SLC4A4: variants seen among roughly 807,000 people sequenced by gnomAD.
The protein encoded by SLC4A4 is solute carrier family 4 member 4.
A neutral mutation model predicts 111.5 loss-of-function variants in SLC4A4; 27 were observed. The observed-to-expected ratio is 0.24, with a 90% CI of 0.18 to 0.33. The LOEUF (loss-of-function observed/expected upper bound fraction) is 0.33, where lower values mean the gene tolerates loss of function less well. SLC4A4 is among the 10% of genes least tolerant of loss of function. The pLI is 1.00. For missense variants in SLC4A4, 909 were observed against 1,315.5 expected (o/e 0.69, Z 4.78); for synonymous variants, 443 against 463.4 (o/e 0.96, Z 0.57).
chr4:71,185,566 C>T (rs1015830223), upstream of SLC4A4, among the ~76,000 whole-genome samples: 1 of 152,176 alleles, frequency 6.6e-6, no homozygotes, highest in Non-Finnish European at 1.5e-5. Flanking sequence ...CATGACAGTA[C>T]ATTTTAATTT....
chr4:71,401,083 C>T (rs1222702628), intron 7 of SLC4A4, among the ~76,000 whole-genome samples: 15 of 152,110 alleles, frequency 9.9e-5, no homozygotes, highest in Admixed American at 9.8e-4. Context: ...CTTGCAACTT[C>T]CTGGAGCTAC....
At chr4:71,122,571 A>G (rs772656644) in intron 2 of SLC4A4, among the ~76,000 whole-genome samples, 4 of 151,982 alleles carry the variant, frequency 2.6e-5, no homozygotes, top group African/African-American at 4.8e-5. Context: ...TCAGGTTCAG[A>G]GATGCCAGGT....
At chr4:71,098,737 A>C (rs1179292260) in intron 2 of SLC4A4, among the ~76,000 whole-genome samples, 1 of 152,172 alleles carries the variant, frequency 6.6e-6, no homozygotes, top group African/African-American at 2.4e-5. Flanking sequence ...ATGTAATGAC[A>C]ACTATAGGTT....
At chr4:71,146,899 A>T (rs1208937021) in intron 2 of SLC4A4, among the ~76,000 whole-genome samples, 1 of 152,190 alleles carries the variant, frequency 6.6e-6, no homozygotes, top group Non-Finnish European at 1.5e-5. Context: ...TACTAACCTT[A>T]AATGTAAATG....
At chr4:71,375,889 A>G (rs2148940511) in intron 6 of SLC4A4, among the ~76,000 whole-genome samples, 1 of 151,964 alleles carries the variant, frequency 6.6e-6, no homozygotes, top group Non-Finnish European at 1.5e-5. Flanking sequence ...AATATTTACT[A>G]CCTGTCATTA....
chr4:71,270,775 C>G (rs1296487997), intron 3 of SLC4A4, among the ~76,000 whole-genome samples: 1 of 152,208 alleles, frequency 6.6e-6, no homozygotes, highest in Non-Finnish European at 1.5e-5. Context: ...AGCCCCCTTG[C>G]TCCCCTCAAC....
intron 6 of SLC4A4, among the ~76,000 whole-genome samples, chr4:71,365,049 A>G (rs907649867): frequency 6.6e-6 from 1 of 152,140 alleles, no homozygotes; most frequent in Non-Finnish European, 1.5e-5. Context: ...ATTGATCATT[A>G]TGTCTAAGTA....
chr4:71,205,469 A>G (rs981385176), intron 1 of SLC4A4, among the ~76,000 whole-genome samples: 5 of 152,166 alleles, frequency 3.3e-5, no homozygotes, highest in Non-Finnish European at 7.3e-5. Flanking sequence ...GAATGCAGGT[A>G]TATCTTCTTC....
intron 2 of SLC4A4, among the ~76,000 whole-genome samples, chr4:71,251,473 G>A (rs1317915477): frequency 3.9e-5 from 6 of 152,294 alleles, no homozygotes; most frequent in Middle Eastern, 6.8e-3. Flanking sequence ...GGAAAGCCAT[G>A]TTTTCTTTCC....
rs548704470 is a variant in SLC4A4 at position 71,555,228 on chromosome 4, T to C, written c.2763+20T>C. On this transcript the variant is annotated intron_variant, in intron 21 of 25. Transcript: ENST00000264485. Reference sequence around the variant, plus strand: ...GTGCAGGTAAGTTTTTGAATAGCAATGTAAGTACAGTAGTGTTTTTCTAGT... The same window carrying C: ...GTGCAGGTAAGTTTTTGAATAGCAACGTAAGTACAGTAGTGTTTTTCTAGT... 15 of 1,508,354 alleles carry C rather than the reference T, an allele frequency of 9.9e-6. No homozygotes were observed. The highest frequency in any genetic ancestry group is 1.4e-5 in the Non-Finnish European group (15 of 1,084,242). 93.4% of individuals were successfully genotyped at this position (1,508,354 alleles called of 1,614,324 possible). A position where few individuals can be genotyped will look rare whatever the true frequency, so the allele number is the denominator to read the frequency against.
At chr4:71,411,439 T>C (rs1721355821) in intron 7 of SLC4A4, among the ~76,000 whole-genome samples, 1 of 151,994 alleles carries the variant, frequency 6.6e-6, no homozygotes, top group African/African-American at 2.4e-5. Flanking sequence ...TTTTCTACCA[T>C]GACACCTACC....
chr4:71,084,935 A>G (rs1217384053), intron 1 of SLC4A4, among the ~76,000 whole-genome samples: 2 of 152,044 alleles, frequency 1.3e-5, no homozygotes, highest in African/African-American at 2.4e-5. Context: ...TGGGATTGCT[A>G]GGTCAAATGG....
intron 1 of SLC4A4, among the ~76,000 whole-genome samples, chr4:71,188,824 G>A (rs1416679572): frequency 6.6e-6 from 1 of 152,150 alleles, no homozygotes; most frequent in East Asian, 1.9e-4. Flanking sequence ...TACTTAGACT[G>A]AAGATATTAG....
chr4:71,552,368 C>G (rs1736072863), intron 20 of SLC4A4, among the ~76,000 whole-genome samples: 1 of 151,484 alleles, frequency 6.6e-6, no homozygotes, highest in South Asian at 2.1e-4. Flanking sequence ...CACACACATA[C>G]ACACACACAT....
At chr4:71,417,331 G>C (rs1721915158) in intron 7 of SLC4A4, among the ~76,000 whole-genome samples, 1 of 152,196 alleles carries the variant, frequency 6.6e-6, no homozygotes, top group African/African-American at 2.4e-5. Flanking sequence ...GGGAAAGTCA[G>C]GGAAGGTGGG....
At chr4:71,518,820 G>T (rs1732650302) in intron 16 of SLC4A4, among the ~76,000 whole-genome samples, 1 of 152,160 alleles carries the variant, frequency 6.6e-6, no homozygotes, top group South Asian at 2.1e-4. Flanking sequence ...GCCTGGTGTG[G>T]GGGCAACCCG....
chr4:71,346,502 G>A (rs1427555442), intron 4 of SLC4A4, among the ~76,000 whole-genome samples: 3 of 151,348 alleles, frequency 2.0e-5, no homozygotes, highest in Non-Finnish European at 2.9e-5. Flanking sequence ...GTGGCTTTTA[G>A]TATACTCTAC....
intron 1 of SLC4A4, among the ~76,000 whole-genome samples, chr4:71,079,947 C>T (rs1312999054): frequency 6.6e-6 from 1 of 152,080 alleles, no homozygotes; most frequent in South Asian, 2.1e-4. Context: ...GGCTGTGTCC[C>T]CCACAACAGA....
chr4:71,422,852 C>A (rs1201908196), intron 7 of SLC4A4, among the ~76,000 whole-genome samples: 1 of 152,116 alleles, frequency 6.6e-6, no homozygotes, highest in South Asian at 2.1e-4. Flanking sequence ...ATAATAAGAG[C>A]TATCTATGAC....
Sources: allele counts gnomAD v4.1 joint callset (sites outside exome capture counted in the v4.1 genomes callset), GRCh38; gene constraint gnomAD v4.1.1; transcripts MANE v1.5; gene names NCBI Gene and HGNC (gene_info 2026-07-23, HGNC 2026-07-21).